DRD3: variants seen among roughly 807,000 people sequenced by gnomAD.
DRD3 encodes D(3) dopamine receptor.
In DRD3, 19 loss-of-function variants were observed where a neutral mutation model predicts 36.3. That is an observed-to-expected ratio of 0.52 (90% CI 0.36 to 0.77). The LOEUF (loss-of-function observed/expected upper bound fraction) is 0.77. DRD3 is among the 30% of genes least tolerant of loss of function. DRD3 has a pLI of 0.00. For missense variants in DRD3, 465 were observed against 505.3 expected (o/e 0.92, Z 0.77); for synonymous variants, 195 against 203.7 (o/e 0.96, Z 0.36).
At chr3:114,185,627 A>T (rs920795177) in intron 1 of DRD3, among the ~76,000 whole-genome samples, 2 of 138,002 alleles carry the variant, frequency 1.4e-5, no homozygotes, top group South Asian at 2.1e-4. Context: ...TTGATTAATT[A>T]AAAAAAAAAT....
intron 1 of DRD3, among the ~76,000 whole-genome samples, chr3:114,198,251 A>G (rs1560008721): frequency 6.7e-6 from 1 of 149,504 alleles, no homozygotes; most frequent in Non-Finnish European, 1.5e-5. Context: ...TTTTTTGGAG[A>G]TGGAGTCTCA....
chr3:114,132,989 C>T (rs550206484), intron 5 of DRD3, among the ~76,000 whole-genome samples: 2 of 138,066 alleles, frequency 1.4e-5, no homozygotes, highest in Non-Finnish European at 3.2e-5. Context: ...TAAAACAGTC[C>T]GTATTCTTTT....
chr3:114,154,852 A>C (rs1357481103), intron 3 of DRD3, among the ~76,000 whole-genome samples: 1 of 151,934 alleles, frequency 6.6e-6, no homozygotes, highest in Non-Finnish European at 1.5e-5. Flanking sequence ...TCCCTGAGTT[A>C]GTTTGGACCC....
chr3:114,164,968 G>A (rs979015559), intron 2 of DRD3, among the ~76,000 whole-genome samples: 3 of 152,082 alleles, frequency 2.0e-5, no homozygotes, highest in Non-Finnish European at 4.4e-5. Context: ...CCAGGCTGGT[G>A]TTGAACTCCT....
At chr3:114,163,664 C>T (rs191316427) in intron 2 of DRD3, among the ~76,000 whole-genome samples, 1 of 152,258 alleles carries the variant, frequency 6.6e-6, no homozygotes, top group Admixed American at 6.5e-5. Flanking sequence ...ACCCCTATAG[C>T]CATGGTCTAA....
intron 5 of DRD3, 37 bp downstream of exon 5, chr3:114,139,463 G>C (rs966669592): frequency 1.3e-6 from 2 of 1,580,430 alleles, no homozygotes; most frequent in Non-Finnish European, 1.7e-6. Flanking sequence ...CAGGAGATTG[G>C]GTGTTGTCTT....
chr3:114,160,179 C>T (rs2077719478), intron 2 of DRD3, among the ~76,000 whole-genome samples: 1 of 152,184 alleles, frequency 6.6e-6, no homozygotes, highest in Non-Finnish European at 1.5e-5. Flanking sequence ...TTTCTGAATC[C>T]TTCCTATACC....
chr3:114,190,615 C>T lies in DRD3; in HGVS notation c.-156+8658G>A, dbSNP rs1013369961. Among the ~76,000 whole-genome samples the T allele has an allele frequency of 8.6e-4, 129 of 149,840 alleles. 1 individual carries two copies. The highest frequency in any genetic ancestry group is 1.2e-3 in the Non-Finnish European group (82 of 67,530). ...TCTTTTGACTTTATGCTGTTGTTGG[C>T]TCTGCCCTGAACAGCTTAGCAATAG... is the stretch of plus-strand genomic sequence containing the variant. On this transcript the variant is annotated intron_variant, in intron 1 of 7. Coordinates refer to the DRD3 transcript ENST00000460779.
At chr3:114,183,196 A>G (rs77148051), upstream of DRD3, among the ~76,000 whole-genome samples, 1 of 152,316 alleles carries the variant, frequency 6.6e-6, no homozygotes, top group East Asian at 1.9e-4. Flanking sequence ...CTGATTCTTT[A>G]AAAGTGTGTT....
intron 5 of DRD3, among the ~76,000 whole-genome samples, chr3:114,133,960 C>G (rs957691266): frequency 1.3e-5 from 2 of 152,194 alleles, no homozygotes; most frequent in Non-Finnish European, 2.9e-5. Flanking sequence ...CAGAACTCCT[C>G]TAGTAGTGGT....
At chr3:114,165,557 A>T (rs1033325091) in intron 2 of DRD3, among the ~76,000 whole-genome samples, 1 of 152,230 alleles carries the variant, frequency 6.6e-6, no homozygotes, top group Non-Finnish European at 1.5e-5. Flanking sequence ...TCTAAATTTC[A>T]TCTCAGGGAA....
chr3:114,152,843 AGGGCT>A (rs1468907342), intron 3 of DRD3, among the ~76,000 whole-genome samples: 1 of 152,356 alleles, frequency 6.6e-6, no homozygotes, highest in African/African-American at 2.4e-5. Flanking sequence ...AAGCACCCGG[AGGGCT>A]GGGCTGGGCT....
At chr3:114,149,532 C>T (rs2077598143) in intron 3 of DRD3, among the ~76,000 whole-genome samples, 2 of 152,182 alleles carry the variant, frequency 1.3e-5, no homozygotes, top group Non-Finnish European at 2.9e-5. Flanking sequence ...CCCAAGATTT[C>T]TGCCACGTAT....
intron 1 of DRD3, among the ~76,000 whole-genome samples, chr3:114,178,094 A>G (rs1300064576): frequency 6.6e-6 from 1 of 152,208 alleles, no homozygotes; most frequent in Non-Finnish European, 1.5e-5. Context: ...AAGTCTCACA[A>G]TTAAATAACA....
At chr3:114,144,760 T>C (rs1030314168) in intron 4 of DRD3, among the ~76,000 whole-genome samples, 1 of 152,126 alleles carries the variant, frequency 6.6e-6, no homozygotes, top group Non-Finnish European at 1.5e-5. Context: ...ATATGAATAA[T>C]TGGAAGGCTT....
chr3:114,186,266 T>C (rs1285474159), intron 1 of DRD3, among the ~76,000 whole-genome samples: 1 of 152,202 alleles, frequency 6.6e-6, no homozygotes, highest in Non-Finnish European at 1.5e-5. Context: ...CAGCTGGGAT[T>C]ACAGGCATGT....
In DRD3 at chr3:114,178,889, C is replaced by T. The variant is rs2077927370; in HGVS notation, c.-268G>A. The T allele has an allele frequency of 5.3e-5, 8 of 152,124 alleles. No individual in the cohort carries two copies. The highest frequency in any genetic ancestry group is 5.2e-4 in the Admixed American group (8 of 15,266). 9.4% of individuals were successfully genotyped at this position (152,124 alleles called of 1,614,324 possible). On this transcript the variant is annotated 5_prime_UTR_variant, in exon 1 of 7. Transcript: ENST00000383673. ...TTAGTGCATGTTTCATAGCTGCTTTCGAATGTATCCGTTTTCTTTAGAGGA... is the reference window on the plus strand; with the variant it reads ...TTAGTGCATGTTTCATAGCTGCTTTTGAATGTATCCGTTTTCTTTAGAGGA...
intron 1 of DRD3, among the ~76,000 whole-genome samples, chr3:114,198,521 C>CCTTA (rs1369406997): frequency 6.6e-6 from 1 of 151,970 alleles, no homozygotes; most frequent in Non-Finnish European, 1.5e-5. Flanking sequence ...GTATTCTGCA[C>CCTTA]CTTACTTATT....
At chr3:114,146,727 G>T (rs1323331537) in intron 4 of DRD3, among the ~76,000 whole-genome samples, 1 of 148,674 alleles carries the variant, frequency 6.7e-6, no homozygotes. Flanking sequence ...AAAAGAAAAA[G>T]AAAAAAAATT....
Sources: allele counts gnomAD v4.1 joint callset (sites outside exome capture counted in the v4.1 genomes callset), GRCh38; gene constraint gnomAD v4.1.1; transcripts MANE v1.5; gene names NCBI Gene and HGNC (gene_info 2026-07-23, HGNC 2026-07-21).